Variants in SCAND3 observed in about 807,000 individuals in gnomAD.
SCAND3 encodes SCAN domain containing 3, also known as SCAN domain-containing protein 3.
the SCAND3 span, among the ~76,000 whole-genome samples, chr6:28,579,044 C>A: frequency 6.6e-6 from 1 of 152,186 alleles, no homozygotes; most frequent in East Asian, 1.9e-4. This position sits in a 1 kb window ranked among gnomAD's most constrained non-coding sequence, Gnocchi z 4.5. Context: ...TTACTAACTT[C>A]ATTACAAAGT....
At chr6:28,586,798 T>A in the SCAND3 span, 3 of 1,310,668 alleles carry the variant, frequency 2.3e-6, no homozygotes, top group Non-Finnish European at 3.1e-6. The surrounding 1 kb of genome is among the most constrained non-coding windows in gnomAD (Gnocchi z 4.4). Context: ...GCTCCTTTTT[T>A]GTTCTTGGTC....
the SCAND3 span, among the ~76,000 whole-genome samples, chr6:28,608,447 C>T: frequency 2.6e-5 from 4 of 152,112 alleles, no homozygotes; most frequent in Non-Finnish European, 5.9e-5. Context: ...GTCCCCAACA[C>T]ATGTTGAACT....
the SCAND3 span, among the ~76,000 whole-genome samples, chr6:28,601,130 C>G: frequency 6.6e-6 from 1 of 152,140 alleles, no homozygotes; most frequent in Non-Finnish European, 1.5e-5. Flanking sequence ...TGGTCTCGAT[C>G]TCCTGACCTC....
At chr6:28,604,437 T>C in the SCAND3 span, among the ~76,000 whole-genome samples, 3 of 151,708 alleles carry the variant, frequency 2.0e-5, no homozygotes, top group Admixed American at 1.3e-4. Context: ...GCCAACAAGG[T>C]GAAACCCGTC....
At chr6:28,602,315 T>A in the SCAND3 span, among the ~76,000 whole-genome samples, 1 of 152,138 alleles carries the variant, frequency 6.6e-6, no homozygotes, top group African/African-American at 2.4e-5. Context: ...GTCAAGTGAT[T>A]CTCCTGCCTT....
the SCAND3 span, chr6:28,579,326 T>C: frequency 1.3e-5 from 21 of 1,613,976 alleles, 1 homozygote; most frequent in South Asian, 1.9e-4. This position sits in a 1 kb window ranked among gnomAD's most constrained non-coding sequence, Gnocchi z 4.5. Context: ...CTATCTTCCA[T>C]AGACTGAAGC....
chr6:28,572,119 T>G, the SCAND3 span: 1 of 1,614,078 alleles, frequency 6.2e-7, no homozygotes, highest in Non-Finnish European at 8.5e-7. The surrounding 1 kb of genome is among the most constrained non-coding windows in gnomAD (Gnocchi z 4.1). Flanking sequence ...AAGCTCAGGA[T>G]AGTCATTTTT....
At chr6:28,608,020 C>G in the SCAND3 span, among the ~76,000 whole-genome samples, 7 of 152,156 alleles carry the variant, frequency 4.6e-5, no homozygotes, top group Non-Finnish European at 8.8e-5. Context: ...TAATTGCCAT[C>G]ATGTTCCCAT....
the SCAND3 span, among the ~76,000 whole-genome samples, chr6:28,605,989 A>G: frequency 1.3e-5 from 2 of 152,244 alleles, no homozygotes; most frequent in African/African-American, 4.8e-5. Context: ...CTGACCCTAG[A>G]CTAGATCCTA....
the SCAND3 span, among the ~76,000 whole-genome samples, chr6:28,615,122 G>C: frequency 0.041 from 6,206 of 152,238 alleles, 187 homozygotes; most frequent in Non-Finnish European, 0.063. Context: ...GCACACTGGT[G>C]GCATAGAGCT....
the SCAND3 span, chr6:28,576,154 A>G: frequency 2.6e-6 from 4 of 1,543,076 alleles, no homozygotes; most frequent in African/African-American, 5.6e-5. Context: ...CAAAGGAAAA[A>G]AATCAATTAG....
At chr6:28,591,805 C>A in the SCAND3 span, 1 of 152,234 alleles carries the variant, frequency 6.6e-6, no homozygotes, top group East Asian at 1.9e-4. Context: ...TAGGCATATC[C>A]TGGGAAAACT....
chr6:28,614,370 T>C, the SCAND3 span, among the ~76,000 whole-genome samples: 2 of 152,226 alleles, frequency 1.3e-5, no homozygotes, highest in African/African-American at 2.4e-5. Context: ...CCTGTACATT[T>C]AACATATGCT....
At chr6:28,586,342 A>C in the SCAND3 span, 1 of 1,612,766 alleles carries the variant, frequency 6.2e-7, no homozygotes, top group Non-Finnish European at 8.5e-7. This position sits in a 1 kb window ranked among gnomAD's most constrained non-coding sequence, Gnocchi z 4.4. Flanking sequence ...TCTTCCAGCA[A>C]AGTCACCACC....
the SCAND3 span, chr6:28,572,674 A>G: frequency 6.2e-7 from 1 of 1,614,088 alleles, no homozygotes; most frequent in Non-Finnish European, 8.5e-7. This position sits in a 1 kb window ranked among gnomAD's most constrained non-coding sequence, Gnocchi z 4.1. Flanking sequence ...TCGTATTTCA[A>G]ACATTCTTGA....
chr6:28,581,145 T>C, the SCAND3 span, among the ~76,000 whole-genome samples: 2 of 152,156 alleles, frequency 1.3e-5, no homozygotes, highest in East Asian at 3.9e-4. Flanking sequence ...GAGACCAGCC[T>C]GGGCAACATA....
chr6:28,607,369 G>C, the SCAND3 span, among the ~76,000 whole-genome samples: 1 of 152,064 alleles, frequency 6.6e-6, no homozygotes, highest in Admixed American at 6.5e-5. Context: ...TATCTGTATC[G>C]ATAGCATTGC....
the SCAND3 span, among the ~76,000 whole-genome samples, chr6:28,583,287 G>T: frequency 6.6e-6 from 1 of 152,116 alleles, no homozygotes; most frequent in African/African-American, 2.4e-5. Context: ...GGAGGCTGAG[G>T]CAGGAGAATG....
At chr6:28,594,864 G>A in the SCAND3 span, among the ~76,000 whole-genome samples, 2 of 152,010 alleles carry the variant, frequency 1.3e-5, no homozygotes, top group African/African-American at 2.4e-5. Context: ...TTAGAATAAT[G>A]GTTACCAGAT....
Sources: gnomAD v4.1 joint callset for allele counts (sites outside exome capture counted in the v4.1 genomes callset) on GRCh38, gnomAD v4.1.1 for gene constraint, Gnocchi (gnomAD v3.1) non-coding constraint, MANE v1.5 for transcripts, NCBI Gene and HGNC (gene_info 2026-07-23, HGNC 2026-07-21) for gene names.